ANKRD20A1: variants seen among roughly 807,000 people sequenced by gnomAD.
The protein encoded by ANKRD20A1 is ankyrin repeat domain 20 family member A1, also known as ankyrin repeat domain-containing protein 20A1.
ANKRD20A1 carries 2 observed loss-of-function variants against 50.9 expected under a neutral mutation model. That is an observed-to-expected ratio of 0.04 (90% CI 0.02 to 0.12). ANKRD20A1 has a LOEUF of 0.12. Ranked by LOEUF, ANKRD20A1 falls within the 10% of genes least tolerant of loss-of-function variation. The probability of loss-of-function intolerance (pLI) is 1.00; values close to 1 mark genes in which losing one functional copy is unlikely to be tolerated. For synonymous variants in ANKRD20A1, 10 were observed against 186.2 expected (o/e 0.05, Z 7.70); for missense variants, 31 against 548.1 (o/e 0.06, Z 9.42).
At chr9:67,871,550 T>C (rs1827647065) in intron 6 of ANKRD20A1, among the ~76,000 whole-genome samples, 1 of 138,762 alleles carries the variant, frequency 7.2e-6, no homozygotes, top group African/African-American at 2.7e-5. Context: ...AGTTAGTATG[T>C]TGTATGTTTC....
intron 6 of ANKRD20A1, among the ~76,000 whole-genome samples, chr9:67,871,901 A>G (rs1474923691): frequency 1.4e-5 from 2 of 140,836 alleles, no homozygotes; most frequent in Non-Finnish European, 3.2e-5. Flanking sequence ...ATCAGGAGAA[A>G]CATATTGACT....
chr9:67,889,000 T>C (rs1827909085), intron 11 of ANKRD20A1, among the ~76,000 whole-genome samples: 1 of 146,876 alleles, frequency 6.8e-6, no homozygotes, highest in Non-Finnish European at 1.5e-5. Context: ...AGAGTCTTGC[T>C]CTGTCACCAA....
intron 12 of ANKRD20A1, among the ~76,000 whole-genome samples, chr9:67,895,915 T>C (rs1587606483): frequency 1.1e-5 from 1 of 87,516 alleles, no homozygotes; most frequent in African/African-American, 3.4e-5. Flanking sequence ...TGGGGTTATC[T>C]AAATGTGTAA....
rs1386131098 is a variant in ANKRD20A1, at chr9:67,859,393, C to G, written c.-34C>G. On this transcript the variant is annotated 5_prime_UTR_variant, in exon 1 of 15. Coordinates refer to ENST00000562196, the MANE Select transcript of ANKRD20A1 (RefSeq NM_032250.5). ...ACAGGGAGCTGCCCCCGCTCAAGAG[C>G]CGGTGGTTGGGGGTCTGAGAAGAAG... 1.7e-6 allele frequency: 1 copy of G among 591,228 alleles called. No homozygotes were observed. The highest frequency in any genetic ancestry group is 2.3e-6 in the Non-Finnish European group (1 of 428,674). The allele number at this position is 591,228 out of a possible 1,614,324, so 36.6% of individuals were successfully genotyped here.
At chr9:67,882,399 C>T (rs1275839547) in intron 8 of ANKRD20A1, among the ~76,000 whole-genome samples, 45 of 143,108 alleles carry the variant, frequency 3.1e-4, no homozygotes, top group African/African-American at 6.0e-4. Flanking sequence ...ATATTGCTTA[C>T]ATTGTATTTT....
chr9:67,882,757 A>C (rs1827820647), intron 8 of ANKRD20A1, among the ~76,000 whole-genome samples: 1 of 142,978 alleles, frequency 7.0e-6, no homozygotes, highest in African/African-American at 2.5e-5. Flanking sequence ...CATTTACATT[A>C]GGTATATCTC....
At chr9:67,887,113 C>T (rs1287321482) in intron 9 of ANKRD20A1, among the ~76,000 whole-genome samples, 163 bp from the exon 10 acceptor site, 1 of 85,188 alleles carries the variant, frequency 1.2e-5, no homozygotes, top group Non-Finnish European at 2.6e-5. Context: ...GTCATGTTGC[C>T]GTCCTAGGCA....
chr9:67,881,229 C>T (rs1827789244), intron 8 of ANKRD20A1, among the ~76,000 whole-genome samples: 1 of 143,676 alleles, frequency 7.0e-6, no homozygotes, highest in Non-Finnish European at 1.5e-5. Flanking sequence ...GCCTGGGCAA[C>T]ATCGTATCTG....
At chr9:67,864,658 C>CA (rs1287153657) in intron 3 of ANKRD20A1, among the ~76,000 whole-genome samples, 8,230 of 14,570 alleles carry the variant, frequency 0.56, 3,405 homozygotes, top group Middle Eastern at 0.75. Context: ...CAATAATAGC[C>CA]AAAAAAAAAA....
At position 67,891,067 on chromosome 9, in the gene ANKRD20A1, G is replaced by T. The variant is rs531010602; in HGVS notation, c.1082-2369G>T. 1.9e-4 allele frequency among the ~76,000 whole-genome samples: 17 copies of T among 87,406 alleles called. 6 individuals are homozygous for T. Among genetic ancestry groups the T allele is most frequent in the Non-Finnish European group, 4.2e-4 (17 of 40,846 alleles). The allele number at this position is 87,406 out of a possible 152,430, so 57.3% of individuals were successfully genotyped here. A position where few individuals can be genotyped will look rare whatever the true frequency, so the allele number is the denominator to read the frequency against. On this transcript the variant is annotated intron_variant, in intron 11 of 14. Transcript: ENST00000562196. Reference sequence around the variant, plus strand: ...TCCCAGCACTTTGGGAGGCTGAGACGGGCAGATAACCTGAGGTTGGGAGTT... The same window carrying T: ...TCCCAGCACTTTGGGAGGCTGAGACTGGCAGATAACCTGAGGTTGGGAGTT...
chr9:67,891,005 C>T (rs1160688099), intron 11 of ANKRD20A1, among the ~76,000 whole-genome samples: 39 of 82,878 alleles, frequency 4.7e-4, no homozygotes, highest in Middle Eastern at 5.7e-3. Flanking sequence ...AAACAAAATC[C>T]CCATATGTGG....
At chr9:67,885,606 A>T (rs1343631270) in intron 9 of ANKRD20A1, among the ~76,000 whole-genome samples, 1 of 152,308 alleles carries the variant, frequency 6.6e-6, no homozygotes, top group Admixed American at 6.5e-5. Context: ...CATTAGAAAC[A>T]TTATGGCTTA....
chr9:67,884,731 A>G (rs1314286824), intron 9 of ANKRD20A1, among the ~76,000 whole-genome samples, 161 bp downstream of exon 9: 3 of 149,694 alleles, frequency 2.0e-5, no homozygotes, highest in African/African-American at 7.3e-5. Flanking sequence ...TCTACTAAAA[A>G]TACAAAAAAC....
At chr9:67,863,842 G>T (rs1827522495) in intron 3 of ANKRD20A1, among the ~76,000 whole-genome samples, 1 of 48,028 alleles carries the variant, frequency 2.1e-5, no homozygotes, top group Admixed American at 1.8e-4. Flanking sequence ...GCTTAAGAGG[G>T]AAAAATGGGA....
At position 67,865,179 on chromosome 9, in the gene ANKRD20A1, T is replaced by G. The variant is rs1428799081; in HGVS notation, c.492+1788T>G. On this transcript the variant is annotated intron_variant, in intron 3 of 14. Transcript: ENST00000562196. ...TTATGAACTATCTCAGTATGTTTGT[T>G]AAGTTTATAGAACTTTAGCATACCC... Among the ~76,000 whole-genome samples, 6 of 151,496 alleles carry G rather than the reference T, an allele frequency of 4.0e-5. No homozygotes were observed. In the East Asian group the frequency reaches 1.2e-3, roughly 30 times the overall value.
intron 6 of ANKRD20A1, among the ~76,000 whole-genome samples, chr9:67,871,905 AT>A (rs1827655930): frequency 7.1e-6 from 1 of 140,116 alleles, no homozygotes; most frequent in African/African-American, 2.6e-5. Flanking sequence ...GGAGAAACAT[AT>A]TGACTTTTCA....
chr9:67,882,211 T>C (rs1341314338), intron 8 of ANKRD20A1, among the ~76,000 whole-genome samples: 1 of 150,920 alleles, frequency 6.6e-6, no homozygotes, highest in African/African-American at 2.4e-5. Context: ...GGTCTTTAAC[T>C]GTTGGGCTCA....
At chr9:67,882,738 T>C (rs1309779232) in intron 8 of ANKRD20A1, among the ~76,000 whole-genome samples, 2 of 138,238 alleles carry the variant, frequency 1.4e-5, no homozygotes, top group Admixed American at 7.9e-5. Flanking sequence ...GCTGCACCCA[T>C]TAACTCATCA....
At position 67,871,245 on chromosome 9, in the gene ANKRD20A1, C is replaced by T. The variant is rs375311620; in HGVS notation, c.793+33C>T. The T allele has an allele frequency of 1.9e-4, 292 of 1,500,216 alleles. 6 individuals carry two copies. The highest frequency in any genetic ancestry group is 1.8e-3 in the South Asian group (151 of 84,086). The allele number at this position is 1,500,216 out of a possible 1,614,324, so 92.9% of individuals were successfully genotyped here. On this transcript the variant is annotated intron_variant, in intron 6 of 14. Coordinates refer to ENST00000562196, the MANE Select transcript of ANKRD20A1 (RefSeq NM_032250.5). ...TTCTGATTGTGAATTTCTTACTTCT[C>T]TTGGTGGTCCTACTCTTGATAAGAA...
Sources: gnomAD v4.1 joint callset for allele counts (sites outside exome capture counted in the v4.1 genomes callset) on GRCh38, gnomAD v4.1.1 for gene constraint, MANE v1.5 for transcripts, NCBI Gene and HGNC (gene_info 2026-07-23, HGNC 2026-07-21) for gene names.